NRXN3: variants seen among roughly 807,000 people sequenced by gnomAD.
NRXN3 encodes the protein neurexin 3, also known as neurexin III.
Under a neutral mutation model 137.6 loss-of-function variants are expected in NRXN3, and 32 were observed. The ratio of observed to expected loss-of-function variants is 0.23; its 90% CI spans 0.18 to 0.31. NRXN3 has a LOEUF of 0.31. NRXN3 is among the 10% of genes least tolerant of loss of function. The pLI is 1.00. For missense variants in NRXN3, 1,574 were observed against 2,062.5 expected, an observed-to-expected ratio of 0.76 and a Z score of 4.59; for synonymous variants, 798 against 784.5, an observed-to-expected ratio of 1.02 and a Z score of -0.29.
intron 15 of NRXN3, among the ~76,000 whole-genome samples, chr14:79,277,941 T>A (rs2080556806): frequency 6.6e-6 from 1 of 152,192 alleles, no homozygotes; most frequent in African/African-American, 2.4e-5. Flanking sequence ...CCATAAATTC[T>A]GAAATGGACT....
chr14:79,699,919 A>C (rs1185160548), intron 19 of NRXN3, among the ~76,000 whole-genome samples: 1 of 152,036 alleles, frequency 6.6e-6, no homozygotes, highest in Non-Finnish European at 1.5e-5. Flanking sequence ...ATAGCCTACA[A>C]GAATTGATTA....
intron 6 of NRXN3, among the ~76,000 whole-genome samples, chr14:78,652,563 A>T (rs898643136): frequency 6.6e-6 from 1 of 152,214 alleles, no homozygotes; most frequent in African/African-American, 2.4e-5. Context: ...CTTGTAGATA[A>T]CAATCCCTTG....
chr14:78,340,533 C>G (rs2153580819), intron 4 of NRXN3, among the ~76,000 whole-genome samples: 1 of 152,294 alleles, frequency 6.6e-6, no homozygotes, highest in Middle Eastern at 3.4e-3. Context: ...TCATCAAGGT[C>G]TCTCTCACAC....
intron 15 of NRXN3, among the ~76,000 whole-genome samples, chr14:79,278,641 G>C (rs1304044609): frequency 6.6e-6 from 1 of 152,188 alleles, no homozygotes; most frequent in Non-Finnish European, 1.5e-5. Context: ...AGGACTACAG[G>C]CGCGGACGAT....
At position 78,243,873 on chromosome 14, in the gene NRXN3, C is replaced by G; in HGVS notation, c.709+71C>G. 1 of 1,159,404 alleles carries G rather than the reference C, an allele frequency of 8.6e-7. No individual in the cohort carries two copies. Among genetic ancestry groups the G allele is most frequent in the South Asian group, 1.5e-5 (1 of 68,230 alleles). The allele number at this position is 1,159,404 out of a possible 1,614,324, so 71.8% of individuals were successfully genotyped here. ...CTGAGGCTGGGGCTCCTGATACAAA[C>G]CAGTTCTATATGGATGCATATCTTT... On this transcript the variant is annotated intron_variant, in intron 2 of 20. Transcript: ENST00000335750. The surrounding 1 kb of genome is among the most constrained non-coding windows in gnomAD (Gnocchi z 4.2).
intron 17 of NRXN3, among the ~76,000 whole-genome samples, chr14:79,667,710 G>GC (rs1023885955): frequency 2.0e-5 from 3 of 152,024 alleles, no homozygotes; most frequent in African/African-American, 7.2e-5. Flanking sequence ...AGAAGAATCA[G>GC]CCCAGAGCTA....
At chr14:78,668,731 C>A (rs1474804881) in intron 6 of NRXN3, among the ~76,000 whole-genome samples, 1 of 152,132 alleles carries the variant, frequency 6.6e-6, no homozygotes, top group Non-Finnish European at 1.5e-5. Context: ...TCACGACTAT[C>A]AAACTGTCAT....
Position 78,729,381 on chromosome 14 carries a change from C to G in NRXN3, c.2044+14242C>G, listed in dbSNP as rs549132627. Among the ~76,000 whole-genome samples, 179 of 152,228 alleles carry G rather than the reference C, an allele frequency of 1.2e-3. 2 individuals are homozygous for G. The highest frequency in any genetic ancestry group is 4.2e-3 in the African/African-American group (175 of 41,516). The stretch of plus-strand genomic sequence containing the variant: ...GAGAGAGCTGTAAGAAATGAGATGG[C>G]TTTTTTTGTTCCTCTTCCAACCTTG... On this transcript the variant is annotated intron_variant, in intron 8 of 20. Transcript: ENST00000335750.
At chr14:79,656,169 T>C (rs936152860) in intron 16 of NRXN3, among the ~76,000 whole-genome samples, 2 of 152,214 alleles carry the variant, frequency 1.3e-5, no homozygotes, top group East Asian at 1.9e-4. Context: ...TTAAGGTTTC[T>C]TTATGAAGAC....
At chr14:78,495,736 C>T (rs1205423126) in intron 4 of NRXN3, among the ~76,000 whole-genome samples, 1 of 152,132 alleles carries the variant, frequency 6.6e-6, no homozygotes, top group Non-Finnish European at 1.5e-5. Flanking sequence ...ACATTGAGTG[C>T]TTTGAGGTTC....
At chr14:78,239,373 G>T (rs957204295) in intron 1 of NRXN3, among the ~76,000 whole-genome samples, 5 of 152,208 alleles carry the variant, frequency 3.3e-5, no homozygotes, top group African/African-American at 1.2e-4. Flanking sequence ...GTAGTGCCTG[G>T]AATGAATTGG....
At position 79,474,760 on chromosome 14, in the gene NRXN3, CG is replaced by C. The variant is rs2070453294; in HGVS notation, c.3444+7359del. ...CCTGAAGTTTATTCTTTAATTTTAT[CG>C]ACCATGGGAAATGGGAATATGCCAC... On this transcript the variant is annotated intron_variant, in intron 16 of 20. Transcript: ENST00000335750. Among the ~76,000 whole-genome samples, 3 of 151,888 alleles carry C rather than the reference CG, an allele frequency of 2.0e-5. No individual in the cohort carries two copies. The South Asian group carries it at 6.2e-4, about 32-fold the overall frequency.
chr14:79,767,389 T>G (rs2099059585), intron 19 of NRXN3, among the ~76,000 whole-genome samples: 1 of 152,224 alleles, frequency 6.6e-6, no homozygotes, highest in African/African-American at 2.4e-5. Context: ...AGCACTCACG[T>G]TATTTTTTTA....
At chr14:79,319,113 T>C (rs1265858117) in intron 15 of NRXN3, among the ~76,000 whole-genome samples, 1 of 152,192 alleles carries the variant, frequency 6.6e-6, no homozygotes, top group Non-Finnish European at 1.5e-5. Flanking sequence ...TATGTTACAG[T>C]CTGTTTCTGA....
chr14:78,394,054 G>A (rs2153645359), intron 4 of NRXN3, among the ~76,000 whole-genome samples: 1 of 151,926 alleles, frequency 6.6e-6, no homozygotes. Context: ...AATAATGACA[G>A]TTATATTTGT....
At chr14:78,400,765 C>A (rs926113691) in intron 4 of NRXN3, among the ~76,000 whole-genome samples, 3 of 152,170 alleles carry the variant, frequency 2.0e-5, no homozygotes, top group African/African-American at 7.2e-5. Flanking sequence ...GACTGCCTGG[C>A]TGGGTGTATG....
chr14:79,323,101 A>C (rs988260072), intron 15 of NRXN3, among the ~76,000 whole-genome samples: 1 of 152,186 alleles, frequency 6.6e-6, no homozygotes. Context: ...TGGCGCAATC[A>C]TAGCTCACTG....
chr14:78,258,405 CA>C (rs1297936626), intron 2 of NRXN3, among the ~76,000 whole-genome samples: 1 of 147,220 alleles, frequency 6.8e-6, no homozygotes, highest in South Asian at 2.1e-4. Context: ...GGGAGATGTA[CA>C]GGGGCAGGTG....
chr14:78,704,203 T>G (rs2098321823), intron 6 of NRXN3, among the ~76,000 whole-genome samples: 1 of 152,204 alleles, frequency 6.6e-6, no homozygotes, highest in African/African-American at 2.4e-5. Flanking sequence ...GTGCATCATG[T>G]AGGGTTAGAA....
Sources: allele counts gnomAD v4.1 joint callset (sites outside exome capture counted in the v4.1 genomes callset), GRCh38; gene constraint gnomAD v4.1.1; non-coding constraint Gnocchi (gnomAD v3.1); transcripts MANE v1.5; gene names NCBI Gene and HGNC (gene_info 2026-07-23, HGNC 2026-07-21).